RBMS1: variants seen among roughly 807,000 people sequenced by gnomAD.
The protein encoded by RBMS1 is RNA binding motif single stranded interacting protein 1.
In RBMS1, 17 loss-of-function variants were observed where a neutral mutation model predicts 62.3. That is an observed-to-expected ratio of 0.27 (90% confidence interval 0.19 to 0.41). RBMS1 has a LOEUF of 0.41. RBMS1 is among the 10% of genes least tolerant of loss of function. RBMS1 has a pLI of 1.00. For synonymous variants in RBMS1, 172 were observed against 170.0 expected (o/e 1.01, Z -0.09); for missense variants, 334 against 504.5 (o/e 0.66, Z 3.24).
At chr2:160,471,716 T>TATATATATATATATATATAAA (rs371634389) in intron 1 of RBMS1, among the ~76,000 whole-genome samples, 1 of 76,234 alleles carries the variant, frequency 1.3e-5, no homozygotes, top group African/African-American at 4.4e-5. Flanking sequence ...TATATATATA[T>TATATATATATATATATATAAA]AACCTTTCAT....
At chr2:160,324,501 T>C (rs550975569) in intron 2 of RBMS1, among the ~76,000 whole-genome samples, 1 of 152,154 alleles carries the variant, frequency 6.6e-6, no homozygotes, top group African/African-American at 2.4e-5. Flanking sequence ...TTATTAAACC[T>C]GAAAACACAA....
intron 2 of RBMS1, 91 bp downstream of exon 2, chr2:160,367,125 T>A: frequency 7.7e-7 from 1 of 1,296,294 alleles, no homozygotes; most frequent in Non-Finnish European, 1.1e-6. Context: ...ATACTTCTTA[T>A]AAACTTCTCT....
At chr2:160,465,895 C>T (rs887473752) in intron 1 of RBMS1, among the ~76,000 whole-genome samples, 1 of 151,856 alleles carries the variant, frequency 6.6e-6, no homozygotes, top group Non-Finnish European at 1.5e-5. Context: ...CACACTCTCA[C>T]ATTTCTAGAA....
At chr2:160,455,685 T>A (rs1430365410) in intron 1 of RBMS1, among the ~76,000 whole-genome samples, 8 of 95,782 alleles carry the variant, frequency 8.4e-5, no homozygotes, top group Non-Finnish European at 1.5e-4. Context: ...TTCCCAAGCT[T>A]TTTTTTTTTT....
At chr2:160,440,357 G>A (rs1019604117) in intron 1 of RBMS1, among the ~76,000 whole-genome samples, 6 of 152,124 alleles carry the variant, frequency 3.9e-5, no homozygotes, top group African/African-American at 1.4e-4. Context: ...CACCTAAAAC[G>A]AATCCAGCAT....
chr2:160,345,126 G>T (rs1692104270), intron 2 of RBMS1, among the ~76,000 whole-genome samples: 3 of 152,076 alleles, frequency 2.0e-5, no homozygotes, highest in Admixed American at 2.0e-4. Flanking sequence ...AATGAAACTG[G>T]AAACTCTTTT....
intron 2 of RBMS1, among the ~76,000 whole-genome samples, 158 bp from the exon 3 acceptor site, chr2:160,318,385 G>A (rs1381308574): frequency 6.6e-6 from 1 of 152,104 alleles, no homozygotes; most frequent in African/African-American, 2.4e-5. Context: ...GACAGGAAAT[G>A]AGAATTCTGA....
chr2:160,284,635 C>T (rs1176824139), intron 9 of RBMS1, 140 bp downstream of exon 9: 1 of 693,004 alleles, frequency 1.4e-6, no homozygotes, highest in East Asian at 2.7e-5. Context: ...CAAAGCAGCT[C>T]ATACTAAATT....
intron 1 of RBMS1, among the ~76,000 whole-genome samples, chr2:160,382,805 C>G (rs547995171): frequency 6.6e-6 from 1 of 152,082 alleles, no homozygotes; most frequent in South Asian, 2.1e-4. Context: ...TCAGAAGAAT[C>G]ACAACACTCC....
At chr2:160,390,753 C>A (rs1694824671) in intron 1 of RBMS1, among the ~76,000 whole-genome samples, 2 of 147,824 alleles carry the variant, frequency 1.4e-5, no homozygotes, top group Admixed American at 6.7e-5. Context: ...TGAACTTGCA[C>A]AAAGCAGAGG....
At chr2:160,313,692 T>C (rs1308654502) in intron 3 of RBMS1, among the ~76,000 whole-genome samples, 1 of 152,240 alleles carries the variant, frequency 6.6e-6, no homozygotes, top group African/African-American at 2.4e-5. Context: ...GTTTATTTTG[T>C]AGATAAACTT....
At chr2:160,277,512 C>A in intron 11 of RBMS1, 129 bp from the exon 12 acceptor site, 1 of 639,624 alleles carries the variant, frequency 1.6e-6, no homozygotes, top group Non-Finnish European at 2.8e-6. Context: ...GGCTACACCT[C>A]AAAGCTTAAA....
chr2:160,452,560 A>G (rs1442162409), intron 1 of RBMS1, among the ~76,000 whole-genome samples: 1 of 152,172 alleles, frequency 6.6e-6, no homozygotes, highest in African/African-American at 2.4e-5. Context: ...AATATTTTCA[A>G]TCTGTGGTTG....
chr2:160,493,160 T>C, intron 1 of RBMS1, 129 bp downstream of exon 1: 1 of 917,642 alleles, frequency 1.1e-6, no homozygotes, highest in South Asian at 1.6e-5. Flanking sequence ...GCGCTATAGT[T>C]AGCAACCTTC....
intron 2 of RBMS1, among the ~76,000 whole-genome samples, chr2:160,347,755 A>G (rs1281866623): frequency 1.3e-5 from 2 of 152,160 alleles, no homozygotes; most frequent in Admixed American, 6.5e-5. Flanking sequence ...ATTATGATTC[A>G]TAACATTTTT....
intron 1 of RBMS1, among the ~76,000 whole-genome samples, chr2:160,419,409 G>A (rs1325967587): frequency 6.6e-6 from 1 of 152,098 alleles, no homozygotes; most frequent in Non-Finnish European, 1.5e-5. Flanking sequence ...TAAAGTAGGT[G>A]TATAAACTCT....
chr2:160,462,563 T>G (rs1383828063), intron 1 of RBMS1, among the ~76,000 whole-genome samples: 1 of 152,200 alleles, frequency 6.6e-6, no homozygotes, highest in African/African-American at 2.4e-5. Flanking sequence ...GCAAGAGGAA[T>G]AGAAACTTTA....
At chr2:160,477,825 C>A (rs1055364748) in intron 1 of RBMS1, among the ~76,000 whole-genome samples, 3 of 152,134 alleles carry the variant, frequency 2.0e-5, no homozygotes, top group Non-Finnish European at 4.4e-5. Flanking sequence ...GAAAAATAAT[C>A]CACATGACTT....
intron 1 of RBMS1, among the ~76,000 whole-genome samples, chr2:160,376,915 G>T (rs1288854410): frequency 6.6e-6 from 1 of 152,128 alleles, no homozygotes; most frequent in East Asian, 1.9e-4. Context: ...AGATCCTCCT[G>T]CCTCAGCCTT....
Sources: allele counts gnomAD v4.1 joint callset (sites outside exome capture counted in the v4.1 genomes callset), GRCh38; gene constraint gnomAD v4.1.1; transcripts MANE v1.5; gene names NCBI Gene and HGNC (gene_info 2026-07-23, HGNC 2026-07-21).